The following MTMR3 variants were observed in gnomAD, a reference collection of about 807,000 sequenced individuals.
MTMR3 encodes the protein myotubularin related protein 3.
MTMR3 carries 32 observed loss-of-function variants against 132.4 expected under a neutral mutation model. The observed-to-expected ratio is 0.24, with a 90% CI of 0.18 to 0.32. The LOEUF (loss-of-function observed/expected upper bound fraction) is 0.32, where lower values mean the gene tolerates loss of function less well. Among genes scored for constraint, MTMR3 ranks in the 10% least tolerant of loss-of-function variants. The pLI is 1.00. For missense variants in MTMR3, 1,216 were observed against 1,489.6 expected (o/e 0.82, Z 3.02); for synonymous variants, 556 against 550.3 (o/e 1.01, Z -0.14).
intron 1 of MTMR3, among the ~76,000 whole-genome samples, chr22:29,942,927 A>G (rs1718981610): frequency 6.6e-6 from 1 of 152,226 alleles, no homozygotes; most frequent in South Asian, 2.1e-4. Context: ...TCAGCTTACG[A>G]AGATGACAGG....
intron 5 of MTMR3, chr22:29,981,150 T>G (rs145895700): frequency 6.6e-6 from 1 of 152,358 alleles, no homozygotes; most frequent in African/African-American, 2.4e-5. Context: ...TTTATAACAT[T>G]TACCAAATAG....
chr22:29,896,884 CACACACACACACACACACAT>C (rs2064909809), intron 1 of MTMR3, among the ~76,000 whole-genome samples: 1 of 150,732 alleles, frequency 6.6e-6, no homozygotes, highest in Non-Finnish European at 1.5e-5. Flanking sequence ...CACACACACA[CACACACACACACACACACAT>C]ACACACACAC....
At chr22:29,997,070 T>A (rs1158475705) in intron 7 of MTMR3, 2 of 152,182 alleles carry the variant, frequency 1.3e-5, no homozygotes, top group African/African-American at 4.8e-5. Flanking sequence ...CCTTGCAATT[T>A]GTAGACAGAT....
chr22:30,023,376 C>T (rs781078127), intron 19 of MTMR3: 7 of 1,395,594 alleles, frequency 5.0e-6, no homozygotes, highest in Non-Finnish European at 7.1e-6. Context: ...GCTTCTAGGA[C>T]ATGTATCTCC....
At chr22:29,888,356 G>T (rs1368691816) in intron 1 of MTMR3, among the ~76,000 whole-genome samples, 2 of 151,978 alleles carry the variant, frequency 1.3e-5, no homozygotes, top group Non-Finnish European at 2.9e-5. Flanking sequence ...CTAAAAGGTT[G>T]TTTTTTTCTT....
At chr22:29,950,552 C>T (rs1462101601) in intron 1 of MTMR3, among the ~76,000 whole-genome samples, 3 of 151,828 alleles carry the variant, frequency 2.0e-5, no homozygotes, top group South Asian at 4.2e-4. Flanking sequence ...TTAGTAGAGA[C>T]GGGGTTTCAC....
chr22:30,020,092 A>G lies in MTMR3; in HGVS notation c.2433A>G (p.Pro811=). 1 of 1,614,232 alleles carries G rather than the reference A, an allele frequency of 6.2e-7. No individual in the cohort carries two copies. The highest frequency in any genetic ancestry group is 8.5e-7 in the Non-Finnish European group (1 of 1,180,040). Residue 811 remains proline (P), a synonymous_variant, in exon 17 of 20, where the codon CCA becomes CCG. Transcript: ENST00000401950. ...IAEGREEAVL[P]IPVDAKVGYG... ...AGGGTAGGGAGGAAGCAGTTCTTCC[A>G]ATCCCAGTAGATGCAAAAGTTGGCT...
chr22:29,928,629 T>C (rs565862680), intron 1 of MTMR3, among the ~76,000 whole-genome samples: 3 of 152,282 alleles, frequency 2.0e-5, no homozygotes, highest in Non-Finnish European at 4.4e-5. Context: ...AGGCTGTTTC[T>C]AGTTTTTTGT....
intron 2 of MTMR3, among the ~76,000 whole-genome samples, 158 bp downstream of exon 2, chr22:29,957,246 T>C (rs2066212365): frequency 7.5e-6 from 1 of 133,746 alleles, no homozygotes; most frequent in African/African-American, 2.9e-5. Context: ...TTCACTTTAA[T>C]GTCCTTACAT....
At chr22:29,980,256 ATTC>A (rs2066714360) in intron 5 of MTMR3, 2 of 151,612 alleles carry the variant, frequency 1.3e-5, no homozygotes, top group Non-Finnish European at 1.5e-5. Context: ...TCTTATTATC[ATTC>A]TTCTTTGTAG....
chr22:29,910,919 T>G (rs534939678), intron 1 of MTMR3, among the ~76,000 whole-genome samples: 1 of 152,226 alleles, frequency 6.6e-6, no homozygotes, highest in Admixed American at 6.5e-5. Flanking sequence ...TTCTTAACTT[T>G]TATGTTTAGT....
At chr22:29,957,260 ATTAT>A (rs1461092403) in intron 2 of MTMR3, among the ~76,000 whole-genome samples, 172 bp downstream of exon 2, 1 of 144,634 alleles carries the variant, frequency 6.9e-6, no homozygotes, top group African/African-American at 2.6e-5. Flanking sequence ...CTTACATGTG[ATTAT>A]TTTTTTTTTT....
intron 1 of MTMR3, among the ~76,000 whole-genome samples, chr22:29,913,916 T>A (rs2065261820): frequency 6.6e-6 from 1 of 152,148 alleles, no homozygotes; most frequent in African/African-American, 2.4e-5. Context: ...CGCACTCGGC[T>A]AATTTTTTGT....
At chr22:29,960,643 C>T (rs1363655201) in intron 2 of MTMR3, among the ~76,000 whole-genome samples, 2 of 152,096 alleles carry the variant, frequency 1.3e-5, no homozygotes, top group African/African-American at 4.8e-5. Flanking sequence ...ATGTTATATG[C>T]ATTATATCTT....
chr22:29,963,453 G>A (rs1376206576), intron 2 of MTMR3, among the ~76,000 whole-genome samples: 2 of 148,720 alleles, frequency 1.3e-5, no homozygotes, highest in South Asian at 2.1e-4. Context: ...GCAATGGTGC[G>A]ATCTCGGCTC....
intron 12 of MTMR3, 138 bp from the exon 13 acceptor site, chr22:30,012,230 A>C (rs893839936): frequency 8.3e-6 from 7 of 846,594 alleles, no homozygotes; most frequent in Non-Finnish European, 1.3e-5. Flanking sequence ...TTATAAACAC[A>C]CAGATTTTTT....
intron 1 of MTMR3, among the ~76,000 whole-genome samples, chr22:29,949,866 C>G (rs1338309362): frequency 6.6e-6 from 1 of 152,066 alleles, no homozygotes; most frequent in African/African-American, 2.4e-5. Flanking sequence ...ATTTAAGTTT[C>G]CATACTTCCA....
chr22:30,007,600 A>G (rs2067300485), intron 10 of MTMR3: 4 of 557,072 alleles, frequency 7.2e-6, no homozygotes, highest in South Asian at 4.3e-5. Flanking sequence ...TCTGCAGACC[A>G]TGGCAGGAAA....
At chr22:29,940,091 C>G (rs907607998) in intron 1 of MTMR3, among the ~76,000 whole-genome samples, 1 of 152,106 alleles carries the variant, frequency 6.6e-6, no homozygotes, top group Non-Finnish European at 1.5e-5. Flanking sequence ...CACAGTGAAA[C>G]CCCGTCTCTG....
Sources: gnomAD v4.1 joint callset for allele counts (sites outside exome capture counted in the v4.1 genomes callset) on GRCh38, gnomAD v4.1.1 for gene constraint, MANE v1.5 for transcripts, NCBI Gene and HGNC (gene_info 2026-07-23, HGNC 2026-07-21) for gene names.